XKR4: variants seen among roughly 807,000 people sequenced by gnomAD.
The protein encoded by XKR4 is XK-related protein 4.
A neutral mutation model predicts 53.9 loss-of-function variants in XKR4; 12 were observed. That is an observed-to-expected ratio of 0.22 (90% CI 0.14 to 0.36). XKR4 has a LOEUF of 0.36. XKR4 is among the 10% of genes least tolerant of loss of function. The probability of loss-of-function intolerance (pLI) is 1.00; values close to 1 mark genes in which losing one functional copy is unlikely to be tolerated. For synonymous variants in XKR4, 354 were observed against 362.4 expected, an observed-to-expected ratio of 0.98 and a Z score of 0.26; for missense variants, 799 against 859.5, an observed-to-expected ratio of 0.93 and a Z score of 0.88.
chr8:55,371,565 A>G (rs1226443341), intron 2 of XKR4, among the ~76,000 whole-genome samples: 1 of 152,232 alleles, frequency 6.6e-6, no homozygotes, highest in Admixed American at 6.5e-5. Flanking sequence ...CTTAATCAAT[A>G]CATTTATGGA....
intron 1 of XKR4, chr8:55,135,642 G>A: frequency 2.2e-6 from 1 of 456,154 alleles, no homozygotes; most frequent in Non-Finnish European, 4.4e-6. Flanking sequence ...TGGCTCCCTG[G>A]ATAGAGGAGT....
chr8:55,215,914 T>A (rs990688345), intron 1 of XKR4, among the ~76,000 whole-genome samples: 6 of 152,182 alleles, frequency 3.9e-5, no homozygotes, highest in Non-Finnish European at 7.4e-5. Flanking sequence ...ATGATGGCGA[T>A]TGAAAAGAAA....
chr8:55,165,754 G>A (rs1191908078), intron 1 of XKR4, among the ~76,000 whole-genome samples: 1 of 148,096 alleles, frequency 6.8e-6, no homozygotes, highest in Non-Finnish European at 1.5e-5. Context: ...GCAGTGAGCC[G>A]AGATTGTGCC....
intron 2 of XKR4, among the ~76,000 whole-genome samples, chr8:55,371,446 C>A (rs75695751): frequency 0.04 from 6,146 of 152,160 alleles, 405 homozygotes; most frequent in African/African-American, 0.14. Flanking sequence ...AGTACCACAA[C>A]CTATTTTCCT....
chr8:55,464,611 A>G (rs1327269592), intron 2 of XKR4, among the ~76,000 whole-genome samples: 1 of 152,182 alleles, frequency 6.6e-6, no homozygotes, highest in East Asian at 1.9e-4. Context: ...CTCCTATTCA[A>G]CATGGTGCTG....
intron 2 of XKR4, among the ~76,000 whole-genome samples, chr8:55,371,676 G>A (rs1411130740): frequency 6.6e-6 from 1 of 152,168 alleles, no homozygotes; most frequent in African/African-American, 2.4e-5. Context: ...AAAAGTACTG[G>A]CAGAATAAAT....
intron 1 of XKR4, among the ~76,000 whole-genome samples, chr8:55,325,434 G>A (rs1803278591): frequency 1.3e-5 from 2 of 152,196 alleles, no homozygotes; most frequent in South Asian, 4.2e-4. Flanking sequence ...AAGATGAGTT[G>A]TGACCCCAAA....
At chr8:55,398,783 G>A (rs186292458) in intron 2 of XKR4, among the ~76,000 whole-genome samples, 9 of 152,342 alleles carry the variant, frequency 5.9e-5, no homozygotes, top group African/African-American at 9.6e-5. Context: ...TATTTAAAAT[G>A]TTAAAGCCAA....
At chr8:55,289,649 G>GAAA (rs1563316461) in intron 1 of XKR4, among the ~76,000 whole-genome samples, 1,495 of 99,446 alleles carry the variant, frequency 0.015, 15 homozygotes, top group Non-Finnish European at 0.02. Flanking sequence ...AAGAAAGAAA[G>GAAA]GAAGGAAGGA....
At chr8:55,186,444 A>C (rs1294823031) in intron 1 of XKR4, among the ~76,000 whole-genome samples, 1 of 152,174 alleles carries the variant, frequency 6.6e-6, no homozygotes, top group African/African-American at 2.4e-5. Context: ...TCACGAGGTC[A>C]GGAGATCGAG....
intron 1 of XKR4, among the ~76,000 whole-genome samples, chr8:55,338,678 A>T (rs997143043): frequency 3.9e-5 from 6 of 152,236 alleles, no homozygotes; most frequent in Admixed American, 6.5e-5. Flanking sequence ...CAGTGGCTGG[A>T]GTACAGCTGA....
chr8:55,420,411 A>G (rs1180737657), intron 2 of XKR4, among the ~76,000 whole-genome samples: 1 of 151,646 alleles, frequency 6.6e-6, no homozygotes, highest in East Asian at 1.9e-4. Flanking sequence ...GATAGAATGG[A>G]TTAAGAAAAT....
intron 1 of XKR4, among the ~76,000 whole-genome samples, chr8:55,298,287 C>A (rs1169358956): frequency 6.6e-6 from 1 of 152,098 alleles, no homozygotes; most frequent in African/African-American, 2.4e-5. Context: ...TCACCTATAA[C>A]CTTTACTCAA....
At chr8:55,414,504 T>A (rs1804817516) in intron 2 of XKR4, among the ~76,000 whole-genome samples, 1 of 149,274 alleles carries the variant, frequency 6.7e-6, no homozygotes, top group South Asian at 2.1e-4. Context: ...ATATAGTATA[T>A]AATATATGTA....
intron 2 of XKR4, among the ~76,000 whole-genome samples, chr8:55,393,231 G>C (rs976922814): frequency 9.2e-5 from 14 of 151,940 alleles, no homozygotes; most frequent in Non-Finnish European, 2.1e-4. Flanking sequence ...CTATGAAGGA[G>C]ACATCAACAT....
intron 2 of XKR4, among the ~76,000 whole-genome samples, chr8:55,382,083 T>G (rs1357073343): frequency 1.3e-5 from 2 of 152,248 alleles, no homozygotes; most frequent in African/African-American, 4.8e-5. Context: ...AAGAGTTATG[T>G]TTGAAGGCTT....
intron 1 of XKR4, among the ~76,000 whole-genome samples, chr8:55,293,283 C>A (rs763657726): frequency 6.6e-6 from 1 of 151,868 alleles, no homozygotes; most frequent in East Asian, 1.9e-4. Flanking sequence ...TGCAGTGAGC[C>A]GAGATTGCAG....
At chr8:55,190,948 C>A (rs949607042) in intron 1 of XKR4, among the ~76,000 whole-genome samples, 2 of 152,230 alleles carry the variant, frequency 1.3e-5, no homozygotes, top group African/African-American at 4.8e-5. Flanking sequence ...ACTAGGCTTG[C>A]TGATAATGCC....
chr8:55,518,023 G>T (rs4422754), intron 2 of XKR4, among the ~76,000 whole-genome samples: 10,844 of 152,220 alleles, frequency 0.071, 897 homozygotes, highest in East Asian at 0.19. Context: ...TGTCACAGGG[G>T]AAGGTTATGG....
Sources: allele counts gnomAD v4.1 joint callset (sites outside exome capture counted in the v4.1 genomes callset), GRCh38; gene constraint gnomAD v4.1.1; transcripts MANE v1.5; gene names NCBI Gene and HGNC (gene_info 2026-07-23, HGNC 2026-07-21).